Variants in GEMIN8 observed in about 807,000 individuals in gnomAD.
The protein encoded by GEMIN8 is gem-associated protein 8.
For missense variants in GEMIN8, 185 were observed against 205.9 expected (o/e 0.90, Z 0.62); for synonymous variants, 80 against 78.5 (o/e 1.02, Z -0.10).
chrX:13,998,484 C>T, the GEMIN8 span, among the ~76,000 whole-genome samples: 1 of 110,987 alleles, frequency 9.0e-6, no homozygotes, highest in African/African-American at 3.3e-5. Context: ...ATGGTAAAGA[C>T]ATGCTTGCTT....
At chrX:14,006,489 TTAAC>T (rs913101013), downstream of GEMIN8, among the ~76,000 whole-genome samples, 2 of 111,316 alleles carry the variant, frequency 1.8e-5, no homozygotes, top group African/African-American at 6.5e-5. Context: ...AGACTATGGT[TTAAC>T]TAACTGTGAT....
At chrX:14,021,604 A>G in intron 2 of GEMIN8, 93 bp from the exon 3 acceptor site, 2 of 595,882 alleles carry the variant, frequency 3.4e-6, no homozygotes, top group Non-Finnish European at 2.8e-6. Context: ...CTCCCAAGGA[A>G]CTGCCTCTTC....
chrX:14,021,762 G>A (rs758253710), intron 2 of GEMIN8, among the ~76,000 whole-genome samples: 1 of 97,954 alleles, frequency 1.0e-5, no homozygotes, highest in East Asian at 3.3e-4. Flanking sequence ...TTCCCTATAG[G>A]AAGTAAAGTC....
rs1040393976 is a variant in GEMIN8 at position 14,026,168 on chromosome X, T to C, written c.-62A>G. Reference sequence around the variant, plus strand: ...CCTGGGAATGTCTCCCACTCTTTTATGGCACAAGCCTTCAGGGACTGAACA... The same window carrying C: ...CCTGGGAATGTCTCCCACTCTTTTACGGCACAAGCCTTCAGGGACTGAACA... On this transcript the variant is annotated 5_prime_UTR_variant, in exon 2 of 5. Coordinates refer to ENST00000680255, the MANE Select transcript of GEMIN8 (RefSeq NM_001042479.2). The C allele has an allele frequency of 2.3e-5, 17 of 751,523 alleles. No homozygotes were observed. The African/African-American group carries it at 3.7e-4, about 16-fold the overall frequency. 61.9% of individuals were successfully genotyped at this position (751,523 alleles called of 1,213,427 possible).
intron 4 of GEMIN8, among the ~76,000 whole-genome samples, chrX:14,011,681 A>C (rs1923560789): frequency 1.8e-5 from 2 of 110,115 alleles, no homozygotes; most frequent in South Asian, 7.8e-4. Context: ...GACTATAATC[A>C]GCTTCACTGA....
intron 1 of GEMIN8, among the ~76,000 whole-genome samples, chrX:14,027,383 C>A (rs1603206076): frequency 8.9e-6 from 1 of 112,354 alleles, no homozygotes; most frequent in East Asian, 2.8e-4. Flanking sequence ...GTCCAAATGG[C>A]CTTCTTCCAC....
chrX:13,993,616 G>C, the GEMIN8 span, among the ~76,000 whole-genome samples: 1 of 105,625 alleles, frequency 9.5e-6, no homozygotes, highest in Admixed American at 1.0e-4. Context: ...TAGAGATGAG[G>C]TCTCATCATG....
At chrX:14,021,580 G>A (rs1924321171) in intron 2 of GEMIN8, 69 bp from the exon 3 acceptor site, 41 of 743,747 alleles carry the variant, frequency 5.5e-5, no homozygotes, top group Non-Finnish European at 8.4e-5. Context: ...GCTATTCTAT[G>A]GTTTGTGAGG....
the GEMIN8 span, among the ~76,000 whole-genome samples, chrX:13,993,273 T>G: frequency 9.0e-6 from 1 of 110,719 alleles, no homozygotes; most frequent in Non-Finnish European, 1.9e-5. Flanking sequence ...TCACTCTGCT[T>G]CATGAACTAA....
chrX:14,001,790 T>C (rs112617778), downstream of GEMIN8, among the ~76,000 whole-genome samples: 30,005 of 105,123 alleles, frequency 0.29, 3,359 homozygotes, highest in South Asian at 0.31. Flanking sequence ...GGATTACAGG[T>C]GTGAGCCACC....
At chrX:14,025,947 T>C (rs767561108) in intron 2 of GEMIN8, 193 bp downstream of exon 2, 21 of 363,261 alleles carry the variant, frequency 5.8e-5, no homozygotes, top group Non-Finnish European at 7.4e-5. Context: ...GGTTATTTTC[T>C]TCACGCATGG....
chrX:13,994,932 A>T, the GEMIN8 span, among the ~76,000 whole-genome samples: 58 of 112,101 alleles, frequency 5.2e-4, 1 homozygote, highest in South Asian at 0.021. Context: ...CGAAGAATTG[A>T]CTCACACAAT....
At chrX:14,027,984 G>A (rs146390888) in intron 1 of GEMIN8, among the ~76,000 whole-genome samples, 1 of 112,706 alleles carries the variant, frequency 8.9e-6, no homozygotes, top group East Asian at 2.8e-4. Flanking sequence ...GGCAGGTTCT[G>A]CAAATTAAGA....
At position 14,009,085 on chromosome X, in the gene GEMIN8, A is replaced by G. The variant is rs1923347357; in HGVS notation, c.557T>C (p.Val186Ala). ...HDLYCNTRRS[V>A]EAPTERPGER... ...ACCAGGCCTCTCAGTTGGGGCTTCT[A>G]CCGACCGGCGGGTGTTGCAGTACAG... The change falls in exon 5 of 5, where the codon GTA becomes GCA. Residue 186 changes from valine to alanine, a missense_variant. By Grantham distance (64) the Val-to-Ala change is moderately conservative (BLOSUM62 0). Coordinates refer to ENST00000680255, the MANE Select transcript of GEMIN8 (RefSeq NM_001042479.2). 5 of 1,211,740 alleles carry G rather than the reference A, an allele frequency of 4.1e-6. No individual in the cohort carries two copies. The highest frequency in any genetic ancestry group is 5.6e-6 in the Non-Finnish European group (5 of 895,225).
chrX:13,986,811 A>G, the GEMIN8 span, among the ~76,000 whole-genome samples: 1 of 111,978 alleles, frequency 8.9e-6, no homozygotes, highest in Admixed American at 9.5e-5. Context: ...GATGACCACA[A>G]TGGGCCAGAA....
intron 3 of GEMIN8, 117 bp from the exon 4 acceptor site, chrX:14,020,651 T>C: frequency 4.0e-6 from 2 of 497,224 alleles, no homozygotes; most frequent in African/African-American, 5.4e-5. Flanking sequence ...GCTAAATACC[T>C]ACCTACATGA....
At chrX:14,011,516 CTTTTTTTTTTT>C (rs575651297) in intron 4 of GEMIN8, among the ~76,000 whole-genome samples, 2,053 of 60,387 alleles carry the variant, frequency 0.034, 80 homozygotes, top group African/African-American at 0.13. Flanking sequence ...CTATGGCTCT[CTTTTTTTTTTT>C]TTTTTTTTTT....
At chrX:14,012,131 A>G (rs1364933252) in intron 4 of GEMIN8, among the ~76,000 whole-genome samples, 1 of 97,047 alleles carries the variant, frequency 1.0e-5, no homozygotes, top group African/African-American at 3.7e-5. Flanking sequence ...TTCCTCATGA[A>G]TTTTTTTTTT....
the GEMIN8 span, among the ~76,000 whole-genome samples, chrX:13,990,054 G>A: frequency 1.4e-4 from 16 of 112,712 alleles, no homozygotes; most frequent in South Asian, 7.4e-4. Context: ...CACCTGAAAT[G>A]TGGCTATGTG....
Sources: gnomAD v4.1 joint callset for allele counts (sites outside exome capture counted in the v4.1 genomes callset) on GRCh38, gnomAD v4.1.1 for gene constraint, MANE v1.5 for transcripts, NCBI Gene and HGNC (gene_info 2026-07-23, HGNC 2026-07-21) for gene names.